Variants in CNN2 observed in about 807,000 individuals in gnomAD.
CNN2 encodes the protein calponin-2.
CNN2 carries 21 observed loss-of-function variants against 31.0 expected under a neutral mutation model. The ratio of observed to expected loss-of-function variants is 0.68; its 90% CI spans 0.48 to 0.98. The LOEUF (loss-of-function observed/expected upper bound fraction) is 0.98. Among genes scored for constraint, CNN2 ranks in the 50% least tolerant of loss-of-function variants. CNN2 has a pLI of 0.00. For missense variants in CNN2, 399 were observed against 427.3 expected (o/e 0.93, Z 0.58); for synonymous variants, 165 against 179.6 (o/e 0.92, Z 0.65).
intron 4 of CNN2, among the ~76,000 whole-genome samples, chr19:1,035,754 T>G (rs1191758775): frequency 6.6e-6 from 1 of 152,044 alleles, no homozygotes; most frequent in Non-Finnish European, 1.5e-5. Flanking sequence ...AAACCCCGTC[T>G]CTACTAAAAA....
At position 1,026,723 on chromosome 19, in the gene CNN2, G is replaced by A; in HGVS notation, c.62G>A (p.Arg21Gln). Residue 21 changes from arginine (R) to glutamine (Q), a missense_variant and splice_region_variant, in exon 1 of 7, where the codon CGG becomes CAG. By Grantham distance (43) the Arg-to-Gln change is conservative. Transcript: ENST00000263097. ...GGGCTGTCGGCCGAGGTCAAGAACC[G>A]GGTGAGTGAGGGGCGCCCCTTGTCC... is the stretch of plus-strand genomic sequence containing the variant. Reference protein sequence around the residue: ...SYGLSAEVKNRLLSKYDPQKE... With the variant: ...SYGLSAEVKNQLLSKYDPQKE... The A allele has an allele frequency of 6.5e-7, 1 of 1,549,704 alleles. No individual in the cohort carries two copies. Among genetic ancestry groups the A allele is most frequent in the Non-Finnish European group, 8.7e-7 (1 of 1,147,220 alleles).
chr19:1,032,772 T>G, intron 4 of CNN2, 76 bp downstream of exon 4: 1 of 1,176,480 alleles, frequency 8.5e-7, no homozygotes, highest in African/African-American at 1.5e-5. Flanking sequence ...TTCACTCGTT[T>G]GCAAATTTCT....
intron 1 of CNN2, chr19:1,027,052 A>G (rs943496075): frequency 1.4e-4 from 38 of 274,486 alleles, no homozygotes; most frequent in Non-Finnish European, 2.2e-4. Flanking sequence ...CGCCCACTCA[A>G]CCTTCGAGAA....
intron 2 of CNN2, among the ~76,000 whole-genome samples, chr19:1,031,841 C>T (rs1203898047): frequency 6.6e-6 from 1 of 151,694 alleles, no homozygotes; most frequent in Non-Finnish European, 1.5e-5. Flanking sequence ...TGGTCTTGAG[C>T]CCTTGACGTC....
intron 1 of CNN2, chr19:1,027,074 G>C: frequency 4.1e-6 from 1 of 241,072 alleles, no homozygotes; most frequent in South Asian, 6.3e-5. Flanking sequence ...GTCCGTTCAA[G>C]GTCCGACAAC....
chr19:1,036,020 G>T (rs2039576259), intron 4 of CNN2, 110 bp from the exon 5 acceptor site: 1 of 1,437,304 alleles, frequency 7.0e-7, no homozygotes, highest in East Asian at 2.6e-5. Flanking sequence ...GCTCTGCGCG[G>T]CAGGCAGAGG....
Position 1,037,926 on chromosome 19 carries a change from A to G in CNN2, c.*26A>G, listed in dbSNP as rs758220194. On this transcript the variant is annotated 3_prime_UTR_variant, in exon 7 of 7. Transcript: ENST00000263097. ...GGCTCCCAGCACGCTCTCTCCCCAC[A>G]TCGTCTGCCCATCTGGGTTTTTGGG... The G allele has an allele frequency of 4.9e-5, 74 of 1,519,782 alleles. No individual in the cohort carries two copies. The highest frequency in any genetic ancestry group is 5.9e-5 in the Non-Finnish European group (67 of 1,134,768). 94.1% of individuals were successfully genotyped at this position (1,519,782 alleles called of 1,614,324 possible). A position where few individuals can be genotyped will look rare whatever the true frequency, so the allele number is the denominator to read the frequency against.
intron 2 of CNN2, among the ~76,000 whole-genome samples, 173 bp from the exon 3 acceptor site, chr19:1,032,219 A>G (rs1311269093): frequency 1.4e-5 from 2 of 142,080 alleles, no homozygotes; most frequent in South Asian, 2.2e-4. Flanking sequence ...TGGGTGACAG[A>G]GCTAGACGCC....
At chr19:1,035,257 A>AGCGTGGG (rs2039562774) in intron 4 of CNN2, among the ~76,000 whole-genome samples, 1 of 151,638 alleles carries the variant, frequency 6.6e-6, no homozygotes, top group African/African-American at 2.4e-5. Flanking sequence ...GTAGAATGGA[A>AGCGTGGG]TGGGAGTGTG....
At chr19:1,035,721 A>G (rs1049985405) in intron 4 of CNN2, among the ~76,000 whole-genome samples, 1 of 152,048 alleles carries the variant, frequency 6.6e-6, no homozygotes, top group Non-Finnish European at 1.5e-5. Flanking sequence ...CCAGGAGTTC[A>G]AGACCAGCCT....
intron 1 of CNN2, among the ~76,000 whole-genome samples, chr19:1,029,103 A>T (rs2039447608): frequency 7.7e-6 from 1 of 130,666 alleles, no homozygotes; most frequent in African/African-American, 2.9e-5. Context: ...GGGGACCCTA[A>T]CCCAAATCAT....
intron 3 of CNN2, 39 bp downstream of exon 3, chr19:1,032,497 G>A (rs755125918): frequency 1.2e-6 from 2 of 1,613,568 alleles, no homozygotes; most frequent in Non-Finnish European, 1.7e-6. Flanking sequence ...TGGTGCTGGG[G>A]GCCCATCTAA....
chr19:1,027,894 T>C (rs1406275986), intron 1 of CNN2, among the ~76,000 whole-genome samples: 1 of 152,202 alleles, frequency 6.6e-6, no homozygotes, highest in Non-Finnish European at 1.5e-5. Flanking sequence ...GGAGAATTCC[T>C]GCTTCCCCGC....
chr19:1,037,187 G>C (rs1456649052), intron 6 of CNN2: 4 of 192,584 alleles, frequency 2.1e-5, no homozygotes, highest in Non-Finnish European at 4.4e-5. Context: ...ATTTTTAGTA[G>C]AGACGGGGTT....
chr19:1,038,002 G>A lies in CNN2; in HGVS notation c.*102G>A. ...TTTTTTTCTTAACCCGTTCAGTGCT[G>A]CCAGTCAACCAAGGGTCTGTGAGTG... On this transcript the variant is annotated 3_prime_UTR_variant, in exon 7 of 7. Transcript: ENST00000263097. The A allele has an allele frequency of 8.3e-7, 1 of 1,200,348 alleles. No individual in the cohort carries two copies. The highest frequency in any genetic ancestry group is 2.5e-5 in the East Asian group (1 of 40,636). 74.4% of individuals were successfully genotyped at this position (1,200,348 alleles called of 1,614,324 possible). A position where few individuals can be genotyped will look rare whatever the true frequency, so the allele number is the denominator to read the frequency against.
intron 5 of CNN2, 72 bp from the exon 6 acceptor site, chr19:1,036,344 G>T (rs2039583966): frequency 1.3e-6 from 2 of 1,586,506 alleles, no homozygotes; most frequent in African/African-American, 2.7e-5. Flanking sequence ...GAGCCCTGTG[G>T]TCCCTCAATT....
chr19:1,036,543 C>G lies in CNN2; in HGVS notation c.635C>G (p.Thr212Arg). 6.2e-7 allele frequency: 1 copy of G among 1,612,960 alleles called. No homozygotes were observed. ...DHSTISLQMGTNKCASQVGMT... is the reference protein window; with the variant it reads ...DHSTISLQMGRNKCASQVGMT... ...TCGACCATCAGCCTCCAGATGGGCA[C>G]GAACAAGTGTGCCAGCCAGGTGGGG... The change falls in exon 6 of 7, where the codon ACG (threonine) becomes AGG (arginine). Residue 212 changes from threonine (T) to arginine (R), a missense_variant. Physicochemically the swap from Thr to Arg is moderately conservative, Grantham distance 71 (BLOSUM62 -1). Transcript: ENST00000263097.
intron 1 of CNN2, 108 bp from the exon 2 acceptor site, chr19:1,030,963 T>C: frequency 7.3e-7 from 1 of 1,370,806 alleles, no homozygotes; most frequent in East Asian, 2.5e-5. Flanking sequence ...GGCCGCTCTA[T>C]CTGCTGTTGC....
At chr19:1,026,758 C>T (rs2039402570) in intron 1 of CNN2, 34 bp downstream of exon 1, 8 of 1,539,572 alleles carry the variant, frequency 5.2e-6, no homozygotes, top group Non-Finnish European at 6.1e-6. Flanking sequence ...CCCCCGACAG[C>T]GCGGCCGTCG....
Sources: allele counts gnomAD v4.1 joint callset (sites outside exome capture counted in the v4.1 genomes callset), GRCh38; gene constraint gnomAD v4.1.1; transcripts MANE v1.5; gene names NCBI Gene and HGNC (gene_info 2026-07-23, HGNC 2026-07-21).